APP: variants seen among roughly 807,000 people sequenced by gnomAD.
APP encodes the protein amyloid beta precursor protein, also known as amyloid-beta precursor protein.
In APP, 31 loss-of-function variants were observed where a neutral mutation model predicts 101.4. The ratio of observed to expected loss-of-function variants is 0.31; its 90% CI spans 0.23 to 0.41. The LOEUF is 0.41. Ranked by LOEUF, APP falls within the 10% of genes least tolerant of loss-of-function variation. The probability of loss-of-function intolerance (pLI) is 1.00; values close to 1 mark genes in which losing one functional copy is unlikely to be tolerated. For missense variants in APP, 839 were observed against 1,003.7 expected, an observed-to-expected ratio of 0.84 and a Z score of 2.22; for synonymous variants, 366 against 364.4, an observed-to-expected ratio of 1.00 and a Z score of -0.05.
intron 13 of APP, among the ~76,000 whole-genome samples, chr21:25,943,422 G>C (rs2040663612): frequency 7.0e-6 from 1 of 142,108 alleles, no homozygotes; most frequent in Non-Finnish European, 1.5e-5. Flanking sequence ...AAAGTGCTGG[G>C]ATTACAGGCG....
chr21:25,950,872 G>T (rs1028546444), intron 13 of APP, among the ~76,000 whole-genome samples: 1 of 152,134 alleles, frequency 6.6e-6, no homozygotes, highest in Non-Finnish European at 1.5e-5. Flanking sequence ...AATAATGGGT[G>T]AGGGAGAGGA....
At chr21:25,942,956 A>G (rs1188382438) in intron 13 of APP, 1 of 152,082 alleles carries the variant, frequency 6.6e-6, no homozygotes, top group Non-Finnish European at 1.5e-5. Flanking sequence ...CTAACTCCAC[A>G]GTCCCTCATC....
chr21:25,886,776 C>T (rs1010621274), intron 17 of APP, among the ~76,000 whole-genome samples: 1 of 151,914 alleles, frequency 6.6e-6, no homozygotes, highest in Non-Finnish European at 1.5e-5. Flanking sequence ...GGTTCTGCAC[C>T]CCCCCTCACT....
At chr21:26,114,454 T>C (rs142812797) in intron 1 of APP, among the ~76,000 whole-genome samples, 3 of 152,304 alleles carry the variant, frequency 2.0e-5, no homozygotes, top group Non-Finnish European at 4.4e-5. Flanking sequence ...GACTTAAAGA[T>C]GCTGCAACTC....
intron 5 of APP, among the ~76,000 whole-genome samples, chr21:26,050,265 T>C (rs2045783811): frequency 6.6e-6 from 1 of 152,168 alleles, no homozygotes; most frequent in Admixed American, 6.5e-5. Context: ...AGGAATAAGA[T>C]AAGTGATACA....
chr21:25,947,375 C>T (rs1426753811), intron 13 of APP, among the ~76,000 whole-genome samples: 1 of 152,148 alleles, frequency 6.6e-6, no homozygotes, highest in Non-Finnish European at 1.5e-5. Context: ...CAGTTGGGGA[C>T]CTAAGGTATG....
intron 6 of APP, among the ~76,000 whole-genome samples, chr21:26,002,332 C>T (rs1425698281): frequency 4.3e-4 from 2 of 4,664 alleles, no homozygotes; most frequent in African/African-American, 1.7e-3. Flanking sequence ...ACTGAAAGAG[C>T]AACGTGTATA....
At chr21:26,000,717 CAT>C (rs1459785600) in intron 6 of APP, among the ~76,000 whole-genome samples, 1 of 152,142 alleles carries the variant, frequency 6.6e-6, no homozygotes, top group Non-Finnish European at 1.5e-5. Context: ...TCTGGAAACA[CAT>C]GTCATATCTG....
intron 13 of APP, chr21:25,937,655 A>C (rs78437127): frequency 1.3e-5 from 2 of 152,380 alleles, no homozygotes; most frequent in South Asian, 4.1e-4. Flanking sequence ...TAAATGTTCT[A>C]TAAGTAGAGA....
intron 13 of APP, chr21:25,934,161 G>A (rs1201408063): frequency 6.6e-6 from 1 of 152,154 alleles, no homozygotes. Flanking sequence ...AATATCAAGG[G>A]CTGGCAGCAG....
intron 2 of APP, among the ~76,000 whole-genome samples, chr21:26,093,162 T>C (rs1460835513): frequency 6.6e-6 from 1 of 152,226 alleles, no homozygotes; most frequent in Non-Finnish European, 1.5e-5. Flanking sequence ...CATGGCTTTT[T>C]TCCTATATAA....
At chr21:26,129,428 C>T (rs1234061284) in intron 1 of APP, among the ~76,000 whole-genome samples, 1 of 151,476 alleles carries the variant, frequency 6.6e-6, no homozygotes, top group Non-Finnish European at 1.5e-5. Context: ...TGAGATCACA[C>T]CATGTATTCC....
chr21:25,911,263 T>TA (rs1016885317), intron 14 of APP, among the ~76,000 whole-genome samples: 2 of 152,130 alleles, frequency 1.3e-5, no homozygotes, highest in African/African-American at 4.8e-5. Flanking sequence ...AACTGGAAAA[T>TA]AAAAATTAGA....
At chr21:25,996,827 A>AC (rs1252367583) in intron 8 of APP, among the ~76,000 whole-genome samples, 5 of 151,784 alleles carry the variant, frequency 3.3e-5, no homozygotes, top group African/African-American at 1.2e-4. Flanking sequence ...GCACCTCCTC[A>AC]CCCCTCCTTC....
intron 13 of APP, among the ~76,000 whole-genome samples, chr21:25,932,251 T>C (rs2146398300): frequency 6.6e-6 from 1 of 152,254 alleles, no homozygotes; most frequent in Admixed American, 6.5e-5. Context: ...AAGAAAATAG[T>C]GTAGGAGATG....
At chr21:26,068,508 T>A in intron 3 of APP, among the ~76,000 whole-genome samples, 1 of 152,218 alleles carries the variant, frequency 6.6e-6, no homozygotes, top group Non-Finnish European at 1.5e-5. Flanking sequence ...TACCGGCACA[T>A]GCCAACATGC....
chr21:26,160,185 T>C (rs2063462215), intron 1 of APP, among the ~76,000 whole-genome samples: 1 of 152,180 alleles, frequency 6.6e-6, no homozygotes. Context: ...CCTATTTCAC[T>C]GAACAAGCAG....
intron 2 of APP, among the ~76,000 whole-genome samples, chr21:26,095,453 C>G (rs763293099): frequency 6.6e-6 from 1 of 152,172 alleles, no homozygotes; most frequent in African/African-American, 2.4e-5. Flanking sequence ...GACTTAATAA[C>G]GGCCCCAAAG....
At chr21:25,900,110 A>C (rs780419216) in intron 15 of APP, among the ~76,000 whole-genome samples, 1 of 152,110 alleles carries the variant, frequency 6.6e-6, no homozygotes, top group Non-Finnish European at 1.5e-5. Context: ...TTATTTTTAT[A>C]GGGTAGTGAT....
Sources: allele counts gnomAD v4.1 joint callset (sites outside exome capture counted in the v4.1 genomes callset), GRCh38; gene constraint gnomAD v4.1.1; transcripts MANE v1.5; gene names NCBI Gene and HGNC (gene_info 2026-07-23, HGNC 2026-07-21).